DLG1: variants seen among roughly 807,000 people sequenced by gnomAD.
DLG1 encodes discs large MAGUK scaffold protein 1.
In DLG1, 42 loss-of-function variants were observed where a neutral mutation model predicts 123.4. The ratio of observed to expected loss-of-function variants is 0.34; its 90% CI spans 0.27 to 0.44. The LOEUF (loss-of-function observed/expected upper bound fraction) is 0.44, where lower values mean the gene tolerates loss of function less well. DLG1 is among the 20% of genes least tolerant of loss of function. The pLI is 1.00. For synonymous variants in DLG1, 317 were observed against 356.2 expected, an observed-to-expected ratio of 0.89 and a Z score of 1.24; for missense variants, 942 against 1,082.6, an observed-to-expected ratio of 0.87 and a Z score of 1.82.
chr3:197,144,034 A>T (rs528092249), intron 6 of DLG1, among the ~76,000 whole-genome samples: 3 of 152,284 alleles, frequency 2.0e-5, no homozygotes, highest in South Asian at 4.2e-4. Flanking sequence ...ATCTAAATCA[A>T]ATGTGGACTG....
intron 14 of DLG1, among the ~76,000 whole-genome samples, chr3:197,092,770 TG>T (rs1758460976): frequency 6.6e-6 from 1 of 152,236 alleles, no homozygotes; most frequent in Non-Finnish European, 1.5e-5. Flanking sequence ...CTCACAGCTC[TG>T]GGATCACAAG....
chr3:197,179,609 T>G (rs1354038362), intron 5 of DLG1, among the ~76,000 whole-genome samples: 1 of 152,166 alleles, frequency 6.6e-6, no homozygotes. Flanking sequence ...GATATAAAAA[T>G]AAGCTAACAG....
intron 4 of DLG1, among the ~76,000 whole-genome samples, chr3:197,209,921 ATTGTCACACATTGTTACCAGAAGGGT>A (rs1730452489): frequency 6.8e-6 from 1 of 146,564 alleles, no homozygotes; most frequent in Admixed American, 6.9e-5. Context: ...CTCAGTGCTT[ATTGTCACACATTGTTACCAGAAGGGT>A]TAACATCATC....
intron 11 of DLG1, among the ~76,000 whole-genome samples, chr3:197,126,083 A>G (rs1778928402): frequency 6.6e-6 from 1 of 152,228 alleles, no homozygotes; most frequent in African/African-American, 2.4e-5. Context: ...CTAAGAAGGG[A>G]AGGGACTGGA....
chr3:197,141,371 A>G (rs191117963), intron 7 of DLG1, among the ~76,000 whole-genome samples: 3 of 152,268 alleles, frequency 2.0e-5, no homozygotes, highest in African/African-American at 7.2e-5. Context: ...AAGATAAAAA[A>G]TCAATAATAT....
chr3:197,190,523 C>T (rs550797133), intron 5 of DLG1, among the ~76,000 whole-genome samples: 126 of 152,268 alleles, frequency 8.3e-4, no homozygotes, highest in African/African-American at 3.0e-3. Flanking sequence ...AGTGCAGTTC[C>T]AACTCGTGTT....
chr3:197,245,959 G>A (rs560320281), intron 4 of DLG1, among the ~76,000 whole-genome samples: 1 of 150,230 alleles, frequency 6.7e-6, no homozygotes, highest in South Asian at 2.1e-4. Context: ...AATTAACTGT[G>A]GACAAGGTCT....
intron 5 of DLG1, among the ~76,000 whole-genome samples, chr3:197,162,512 G>T (rs1799207237): frequency 6.6e-6 from 1 of 152,064 alleles, no homozygotes; most frequent in South Asian, 2.1e-4. Flanking sequence ...AGAACAAATT[G>T]CCAGACTAAA....
At chr3:197,247,503 G>C (rs1752329019) in intron 4 of DLG1, among the ~76,000 whole-genome samples, 2 of 152,040 alleles carry the variant, frequency 1.3e-5, no homozygotes, top group Non-Finnish European at 2.9e-5. Flanking sequence ...GGTCCCTGCT[G>C]CCAACACAGG....
chr3:197,163,687 A>ATTTTTTTTTTTTTTTTT (rs56865627), intron 5 of DLG1, among the ~76,000 whole-genome samples: 3 of 102,034 alleles, frequency 2.9e-5, no homozygotes, highest in Non-Finnish European at 5.6e-5. Flanking sequence ...ATGCTCAGCT[A>ATTTTTTTTTTTTTTTTT]TTTTTTTTTT....
chr3:197,182,237 T>C (rs765784411), intron 5 of DLG1, among the ~76,000 whole-genome samples: 7 of 152,210 alleles, frequency 4.6e-5, no homozygotes, highest in Admixed American at 1.3e-4. Flanking sequence ...AGTCTTTGCA[T>C]CCTTTCGTGA....
intron 9 of DLG1, among the ~76,000 whole-genome samples, chr3:197,137,372 C>T (rs1413968543): frequency 1.3e-5 from 2 of 152,174 alleles, no homozygotes; most frequent in Non-Finnish European, 1.5e-5. Flanking sequence ...CTTCTTTTAA[C>T]TTAGCCTGTG....
At position 197,224,245 on chromosome 3, in the gene DLG1, TA is replaced by T. The variant is rs11354016; in HGVS notation, c.319-29657del. 8.4e-3 allele frequency among the ~76,000 whole-genome samples: 1,283 copies of T among 152,250 alleles called. 18 individuals carry two copies. The highest frequency in any genetic ancestry group is 0.029 in the African/African-American group (1,215 of 41,530). On this transcript the variant is annotated intron_variant, in intron 4 of 24. Transcript: ENST00000667157. ...CAAAGTGGTTTAAAGGAGTGGAGGA[TA>T]GGGGAGGACTTTAAAGTCCACCAAG...
At chr3:197,067,613 A>G (rs1740569137) in intron 19 of DLG1, among the ~76,000 whole-genome samples, 1 of 132,038 alleles carries the variant, frequency 7.6e-6, no homozygotes, top group African/African-American at 3.1e-5. Flanking sequence ...TCTGGAGTGC[A>G]ATGGCATGAT....
chr3:197,297,892 C>G (rs1176306597), intron 1 of DLG1: 2 of 984,704 alleles, frequency 2.0e-6, no homozygotes, highest in African/African-American at 3.5e-5. Flanking sequence ...CACGTACCCC[C>G]GCCCCGCCCG....
intron 11 of DLG1, among the ~76,000 whole-genome samples, chr3:197,122,496 A>G (rs1040370432): frequency 6.6e-6 from 1 of 152,130 alleles, no homozygotes; most frequent in African/African-American, 2.4e-5. Flanking sequence ...TAAAGATAGG[A>G]AAGAAGGAAG....
intron 4 of DLG1, among the ~76,000 whole-genome samples, chr3:197,203,215 G>A (rs917207615): frequency 6.6e-6 from 1 of 152,136 alleles, no homozygotes; most frequent in Non-Finnish European, 1.5e-5. Flanking sequence ...AGTGAGCCAT[G>A]ATCACACCAC....
chr3:197,207,201 G>C (rs1252039662), intron 4 of DLG1, among the ~76,000 whole-genome samples: 2 of 152,144 alleles, frequency 1.3e-5, no homozygotes, highest in Admixed American at 6.6e-5. Flanking sequence ...CGCAAAGTCT[G>C]CTCTTTACGC....
intron 5 of DLG1, among the ~76,000 whole-genome samples, chr3:197,190,342 G>A (rs987532019): frequency 1.3e-5 from 2 of 151,794 alleles, no homozygotes; most frequent in African/African-American, 2.4e-5. Flanking sequence ...AGTCCCCCGT[G>A]AATCCTCGCA....
Sources: gnomAD v4.1 joint callset for allele counts (sites outside exome capture counted in the v4.1 genomes callset) on GRCh38, gnomAD v4.1.1 for gene constraint, MANE v1.5 for transcripts, NCBI Gene and HGNC (gene_info 2026-07-23, HGNC 2026-07-21) for gene names.